The following TMEM87B variants were observed in gnomAD, a reference collection of about 807,000 sequenced individuals.
The protein encoded by TMEM87B is transmembrane protein 87B.
Under a neutral mutation model 80.3 loss-of-function variants are expected in TMEM87B, and 83 were observed. That is an observed-to-expected ratio of 1.03 (90% CI 0.87 to 1.24). The LOEUF is 1.24. Among genes scored for constraint, TMEM87B ranks in the 50% most tolerant of loss-of-function variants. TMEM87B has a pLI of 0.00. For synonymous variants in TMEM87B, 219 were observed against 230.5 expected (o/e 0.95, Z 0.45); for missense variants, 625 against 674.4 (o/e 0.93, Z 0.81).
intron 11 of TMEM87B, among the ~76,000 whole-genome samples, chr2:112,093,857 GGAGGTATAA>G (rs1333354551): frequency 6.6e-6 from 1 of 152,188 alleles, no homozygotes; most frequent in African/African-American, 2.4e-5. Flanking sequence ...AGAATGGGCA[GGAGGTATAA>G]ACATACCTTG....
chr2:112,068,226 A>G (rs1394507345), intron 4 of TMEM87B, among the ~76,000 whole-genome samples: 2 of 152,204 alleles, frequency 1.3e-5, no homozygotes, highest in African/African-American at 4.8e-5. Context: ...AAAAACAAAA[A>G]CAAAAACAAA....
At chr2:112,096,961 C>G in intron 11 of TMEM87B, 83 bp from the exon 12 acceptor site, 1 of 951,666 alleles carries the variant, frequency 1.1e-6, no homozygotes, top group Non-Finnish European at 1.6e-6. Context: ...GCAGTACTGA[C>G]TTTGGGAACA....
chr2:112,059,362 G>A (rs972098156), intron 1 of TMEM87B, among the ~76,000 whole-genome samples: 2 of 151,778 alleles, frequency 1.3e-5, no homozygotes, highest in Non-Finnish European at 1.5e-5. Flanking sequence ...CCTGCAGAAC[G>A]GGCTTTTGAG....
intron 11 of TMEM87B, among the ~76,000 whole-genome samples, chr2:112,092,777 A>C (rs1020218207): frequency 6.6e-6 from 1 of 152,168 alleles, no homozygotes; most frequent in African/African-American, 2.4e-5. Flanking sequence ...CGATGACTCA[A>C]GTTGAGTCTG....
intron 11 of TMEM87B, 88 bp downstream of exon 11, chr2:112,091,871 AG>A: frequency 9.2e-7 from 1 of 1,081,112 alleles, no homozygotes; most frequent in Non-Finnish European, 1.4e-6. Context: ...AAAGAAATAC[AG>A]TTATGCATTT....
intron 11 of TMEM87B, among the ~76,000 whole-genome samples, chr2:112,095,928 T>G (rs186669908): frequency 2.0e-5 from 3 of 152,266 alleles, no homozygotes; most frequent in Non-Finnish European, 4.4e-5. Flanking sequence ...TGGAAAAGTC[T>G]TCTTTTTGCT....
chr2:112,076,323 T>G (rs1375224057), intron 5 of TMEM87B, among the ~76,000 whole-genome samples: 1 of 152,154 alleles, frequency 6.6e-6, no homozygotes, highest in Non-Finnish European at 1.5e-5. Flanking sequence ...GGATAAAATA[T>G]GAGAAGAGTA....
At chr2:112,078,006 T>A (rs1342198942) in intron 6 of TMEM87B, among the ~76,000 whole-genome samples, 2 of 152,108 alleles carry the variant, frequency 1.3e-5, no homozygotes, top group Admixed American at 1.3e-4. Context: ...CAGAAACCAA[T>A]GAGGTGAGGT....
chr2:112,055,331 T>C lies in TMEM87B; in HGVS notation c.-261T>C, dbSNP rs1678005307. ...ACGTCTCGCCGCCAACTCCACATCC[T>C]GGCTCCTATCTCTGCCTTCCAGGCA... On this transcript the variant is annotated 5_prime_UTR_variant, in exon 1 of 19. Coordinates refer to ENST00000283206, the MANE Select transcript of TMEM87B (RefSeq NM_032824.3). 6.0e-6 allele frequency: 3 copies of C among 496,330 alleles called. No homozygotes were observed. The highest frequency in any genetic ancestry group is 5.1e-4 in the Middle Eastern group (1 of 1,942). 30.7% of individuals were successfully genotyped at this position (496,330 alleles called of 1,614,324 possible). A position where few individuals can be genotyped will look rare whatever the true frequency, so the allele number is the denominator to read the frequency against.
chr2:112,070,275 T>A (rs1678583339), intron 4 of TMEM87B, among the ~76,000 whole-genome samples: 1 of 152,222 alleles, frequency 6.6e-6, no homozygotes, highest in South Asian at 2.1e-4. Context: ...TGGTATGGTC[T>A]AGGTTGTCTT....
At position 112,062,647 on chromosome 2, in the gene TMEM87B, G is replaced by A. The variant is rs186659231; in HGVS notation, c.227-1515G>A. 3.8e-3 allele frequency among the ~76,000 whole-genome samples: 585 copies of A among 152,318 alleles called. 3 individuals are homozygous for A. The highest frequency in any genetic ancestry group is 6.3e-3 in the Admixed American group (97 of 15,302). On this transcript the variant is annotated intron_variant, in intron 2 of 18. Coordinates refer to ENST00000283206, the MANE Select transcript of TMEM87B (RefSeq NM_032824.3). ...TTCACATTTTTGAGTGCTGGAGGAC[G>A]TTGTAGTCCTTTAACAACTTTGTTC...
Position 112,064,222 on chromosome 2 carries a change from A to G in TMEM87B, c.287A>G (p.His96Arg). 1 of 1,613,828 alleles carries G rather than the reference A, an allele frequency of 6.2e-7. No homozygotes were observed. The highest frequency in any genetic ancestry group is 8.5e-7 in the Non-Finnish European group (1 of 1,179,870). The change falls in exon 3 of 19, where the codon CAT (histidine) becomes CGT (arginine). Residue 96 changes from histidine (H) to arginine (R), a missense_variant. Coordinates refer to ENST00000283206, the MANE Select transcript of TMEM87B (RefSeq NM_032824.3). ...ACCATAGTGTGGCATTTGAAGTATC[A>G]TACCTGTCACAATGAGCATTCTAAT... ...KFTIVWHLKY[H>R]TCHNEHSNLE...
At chr2:112,095,165 CTTT>C (rs749222333) in intron 11 of TMEM87B, 1 of 540,884 alleles carries the variant, frequency 1.8e-6, no homozygotes, top group African/African-American at 4.4e-5. Context: ...TTCTTTCTTT[CTTT>C]TTTTTTTTTT....
At chr2:112,097,741 T>G (rs1378037882) in intron 13 of TMEM87B, among the ~76,000 whole-genome samples, 2 of 151,574 alleles carry the variant, frequency 1.3e-5, no homozygotes, top group Non-Finnish European at 1.5e-5. Flanking sequence ...AAAAAAACTT[T>G]TAACTCCTCC....
intron 13 of TMEM87B, 130 bp from the exon 14 acceptor site, chr2:112,098,465 G>A (rs1679536257): frequency 6.4e-6 from 5 of 775,880 alleles, no homozygotes; most frequent in African/African-American, 1.8e-5. Flanking sequence ...AAAAATATGT[G>A]CTTGTTTATT....
chr2:112,056,333 C>CA (rs1379673109), intron 1 of TMEM87B, among the ~76,000 whole-genome samples: 1 of 152,052 alleles, frequency 6.6e-6, no homozygotes, highest in African/African-American at 2.4e-5. Context: ...CAGTTCCTGT[C>CA]ACAGTTCCGG....
chr2:112,064,442 G>A (rs998127166), intron 3 of TMEM87B, among the ~76,000 whole-genome samples, 189 bp downstream of exon 3: 12 of 152,186 alleles, frequency 7.9e-5, no homozygotes, highest in African/African-American at 2.7e-4. Flanking sequence ...TAGTTGCCTT[G>A]TATGATATGA....
chr2:112,084,820 T>C (rs969717040), intron 8 of TMEM87B, among the ~76,000 whole-genome samples: 1 of 152,270 alleles, frequency 6.6e-6, no homozygotes, highest in African/African-American at 2.4e-5. Flanking sequence ...CCTGCAGTTT[T>C]GTTCCTCTCC....
At chr2:112,084,892 G>A (rs150358220) in intron 8 of TMEM87B, among the ~76,000 whole-genome samples, 1 of 152,304 alleles carries the variant, frequency 6.6e-6, no homozygotes, top group East Asian at 1.9e-4. Context: ...CCAGCAGTCA[G>A]CACATTTTTT....
Sources: allele counts gnomAD v4.1 joint callset (sites outside exome capture counted in the v4.1 genomes callset), GRCh38; gene constraint gnomAD v4.1.1; transcripts MANE v1.5; gene names NCBI Gene and HGNC (gene_info 2026-07-23, HGNC 2026-07-21).